The following DMD variants were observed in gnomAD, a reference collection of about 807,000 sequenced individuals.
DMD encodes dystrophin.
Under a neutral mutation model 330.1 loss-of-function variants are expected in DMD, and 63 were observed. The ratio of observed to expected loss-of-function variants is 0.19; its 90% confidence interval spans 0.16 to 0.24. The LOEUF (loss-of-function observed/expected upper bound fraction) is 0.24. Ranked by LOEUF, DMD falls within the 10% of genes least tolerant of loss-of-function variation. DMD has a pLI of 1.00. For synonymous variants in DMD, 1,223 were observed against 959.8 expected, an observed-to-expected ratio of 1.27 and a Z score of -5.07; for missense variants, 3,344 against 2,684.1, an observed-to-expected ratio of 1.25 and a Z score of -5.43.
Position 33,314,264 on chromosome X carries a change from A to T in DMD, c.7+24995T>A, listed in dbSNP as rs1244917945. Among the ~76,000 whole-genome samples, 12 of 109,790 alleles carry T rather than the reference A, an allele frequency of 1.1e-4. No individual in the cohort carries two copies. In the Admixed American group the frequency reaches 1.2e-3, roughly 11 times the overall value. ...AATGTACATATATTTTTTATCTTTT[A>T]TTTTTTTGAGACAGAGTCTCAGTCA... On this transcript the variant is annotated intron_variant, in intron 1 of 17. Coordinates refer to the DMD transcript ENST00000288447.
intron 1 of DMD, among the ~76,000 whole-genome samples, chrX:33,071,856 C>CA (rs1175501506): frequency 8.9e-6 from 1 of 111,911 alleles, no homozygotes; most frequent in Non-Finnish European, 1.9e-5. Flanking sequence ...ATTAACTATT[C>CA]AGACTGGCAA....
chrX:31,794,032 C>T (rs191177142), intron 50 of DMD, among the ~76,000 whole-genome samples: 12 of 110,382 alleles, frequency 1.1e-4, no homozygotes, highest in South Asian at 3.8e-4. Flanking sequence ...CAAGTTTTCC[C>T]GACAATTCTA....
intron 44 of DMD, chrX:32,035,617 C>T (rs1411617439): frequency 7.5e-6 from 2 of 265,455 alleles, no homozygotes; most frequent in East Asian, 2.4e-4. Flanking sequence ...TTCTCCTCTA[C>T]TAGAGTGTTA....
chrX:32,803,098 G>C (rs1196281070), intron 7 of DMD, among the ~76,000 whole-genome samples: 1 of 111,421 alleles, frequency 9.0e-6, no homozygotes, highest in Non-Finnish European at 1.9e-5. Context: ...GTCTGGTCCT[G>C]GGCTTTTTTT....
At chrX:32,570,832 C>A (rs2052335051) in intron 15 of DMD, among the ~76,000 whole-genome samples, 1 of 111,647 alleles carries the variant, frequency 9.0e-6, no homozygotes, top group Non-Finnish European at 1.9e-5. Context: ...TGGATTTTGT[C>A]AGTTTGTGGC....
At chrX:31,408,024 T>C (rs775360951) in intron 60 of DMD, among the ~76,000 whole-genome samples, 1 of 111,977 alleles carries the variant, frequency 8.9e-6, no homozygotes, top group African/African-American at 3.2e-5. Flanking sequence ...GTCTAAAATG[T>C]TTCGATTTAA....
intron 55 of DMD, among the ~76,000 whole-genome samples, chrX:31,594,366 G>A (rs925467938): frequency 1.8e-5 from 2 of 110,436 alleles, no homozygotes; most frequent in Admixed American, 9.7e-5. Context: ...AAGCCCTTTC[G>A]ACTTCTGGTC....
intron 76 of DMD, among the ~76,000 whole-genome samples, chrX:31,142,109 C>T (rs1395378494): frequency 8.9e-6 from 1 of 112,109 alleles, no homozygotes; most frequent in Non-Finnish European, 1.9e-5. Flanking sequence ...AGGGACATCA[C>T]TGATCCTGAA....
rs766819129 is a variant in DMD at position 32,315,342 on chromosome X, C to T, written c.5923-5066G>A. ...GATAATGGGAGTTGAACAATGAAAA[C>T]ATATGGCCGCAGGGGCCTGTTGGCG... is the stretch of plus-strand genomic sequence containing the variant. On this transcript the variant is annotated intron_variant, in intron 41 of 78. Coordinates refer to ENST00000357033, the MANE Select transcript of DMD (RefSeq NM_004006.3). Among the ~76,000 whole-genome samples the T allele has an allele frequency of 5.5e-5, 6 of 109,768 alleles. No homozygotes were observed. The East Asian group carries it at 1.7e-3, about 32-fold the overall frequency.
intron 7 of DMD, among the ~76,000 whole-genome samples, chrX:32,750,037 T>C (rs2070607233): frequency 8.9e-6 from 1 of 112,376 alleles, no homozygotes; most frequent in South Asian, 3.7e-4. Context: ...ACGCCTTGCC[T>C]TATTTGTCAC....
chrX:31,678,387 A>C (rs948692452), intron 53 of DMD, among the ~76,000 whole-genome samples: 2 of 112,043 alleles, frequency 1.8e-5, no homozygotes, highest in Non-Finnish European at 3.8e-5. Context: ...TGCTCAAAAT[A>C]CCCTAAAGCT....
intron 48 of DMD, among the ~76,000 whole-genome samples, chrX:31,863,040 G>A (rs1270066616): frequency 1.8e-5 from 2 of 112,840 alleles, no homozygotes; most frequent in African/African-American, 3.2e-5. Context: ...GCACCCAGGC[G>A]CTCATTAAAA....
intron 67 of DMD, 58 bp downstream of exon 67, chrX:31,203,903 T>A (rs969949583): frequency 2.6e-5 from 28 of 1,089,900 alleles, no homozygotes; most frequent in African/African-American, 9.3e-5. Flanking sequence ...GTGGGTTTTT[T>A]AATTAATTTC....
chrX:33,277,070 GTACCA>G (rs1364204585), intron 1 of DMD, among the ~76,000 whole-genome samples: 1 of 111,453 alleles, frequency 9.0e-6, no homozygotes, highest in African/African-American at 3.3e-5. Context: ...AGTGGTAGAT[GTACCA>G]TCACCTCAAG....
chrX:31,338,033 G>A (rs2057501098), intron 61 of DMD, among the ~76,000 whole-genome samples: 1 of 111,014 alleles, frequency 9.0e-6, no homozygotes, highest in South Asian at 3.8e-4. Flanking sequence ...TCACCCAGCC[G>A]CAGTTGTTGT....
intron 52 of DMD, among the ~76,000 whole-genome samples, chrX:31,701,970 A>G (rs1894625840): frequency 8.9e-6 from 1 of 112,838 alleles, no homozygotes; most frequent in South Asian, 3.6e-4. Flanking sequence ...CACTGAAATT[A>G]CTTTTGTAGG....
At chrX:32,887,351 A>AAAAT (rs200736680) in intron 2 of DMD, among the ~76,000 whole-genome samples, 2,706 of 110,239 alleles carry the variant, frequency 0.025, 104 homozygotes, top group African/African-American at 0.085. Context: ...CATCTCAAAA[A>AAAAT]AAATAAATAA....
At chrX:33,283,149 C>T (rs2053365454) in intron 1 of DMD, among the ~76,000 whole-genome samples, 1 of 112,362 alleles carries the variant, frequency 8.9e-6, no homozygotes, top group African/African-American at 3.2e-5. Flanking sequence ...GTTCCAAAAG[C>T]TAAATATACA....
intron 1 of DMD, among the ~76,000 whole-genome samples, chrX:33,233,378 C>T (rs2052423035): frequency 8.9e-6 from 1 of 111,732 alleles, no homozygotes; most frequent in Non-Finnish European, 1.9e-5. Context: ...CAGCCCCACA[C>T]TGTAAACAAC....
Sources: gnomAD v4.1 joint callset for allele counts (sites outside exome capture counted in the v4.1 genomes callset) on GRCh38, gnomAD v4.1.1 for gene constraint, MANE v1.5 for transcripts, NCBI Gene and HGNC (gene_info 2026-07-23, HGNC 2026-07-21) for gene names.